The following ELP4 variants were observed in gnomAD, a reference collection of about 807,000 sequenced individuals.
ELP4 encodes the protein elongator complex protein 4.
In ELP4, 51 loss-of-function variants were observed where a neutral mutation model predicts 48.9. That is an observed-to-expected ratio of 1.04 (90% CI 0.83 to 1.32). The LOEUF is 1.32. Ranked by LOEUF, ELP4 falls within the 40% of genes most tolerant of loss-of-function variation. The pLI is 0.00. For missense variants in ELP4, 519 were observed against 514.6 expected (o/e 1.01, Z -0.08); for synonymous variants, 210 against 189.2 (o/e 1.11, Z -0.90).
intron 9 of ELP4, among the ~76,000 whole-genome samples, chr11:31,770,564 CAAAAAAAA>C (rs374184259): frequency 9.3e-6 from 1 of 107,468 alleles, no homozygotes; most frequent in Non-Finnish European, 2.1e-5. Flanking sequence ...ATAAAATTTC[CAAAAAAAA>C]AAAAAAAATA....
At chr11:31,606,542 G>A (rs1349722966) in intron 5 of ELP4, among the ~76,000 whole-genome samples, 3 of 152,086 alleles carry the variant, frequency 2.0e-5, no homozygotes, top group African/African-American at 7.2e-5. Context: ...TGATTAGTAG[G>A]TTTGCCTGTA....
At chr11:31,700,952 A>G (rs1946509767) in intron 9 of ELP4, among the ~76,000 whole-genome samples, 1 of 152,078 alleles carries the variant, frequency 6.6e-6, no homozygotes, top group Non-Finnish European at 1.5e-5. Context: ...CGTGGTTTTC[A>G]TCCCATGCTA....
At chr11:31,602,566 T>A (rs1473710923) in intron 4 of ELP4, among the ~76,000 whole-genome samples, 1 of 150,974 alleles carries the variant, frequency 6.6e-6, no homozygotes, top group African/African-American at 2.5e-5. Context: ...ACCCACAGAC[T>A]CTGAATCTGA....
chr11:31,701,362 G>A (rs570347852), intron 9 of ELP4, among the ~76,000 whole-genome samples: 44 of 152,056 alleles, frequency 2.9e-4, no homozygotes, highest in African/African-American at 1.1e-3. Flanking sequence ...CTTGTATCTT[G>A]CTCTTATTCT....
At chr11:31,540,609 C>T (rs547325228) in intron 3 of ELP4, among the ~76,000 whole-genome samples, 5 of 152,198 alleles carry the variant, frequency 3.3e-5, no homozygotes, top group African/African-American at 1.2e-4. Context: ...CATCAGCCAC[C>T]GCATCCAGCC....
At chr11:31,688,543 T>C (rs1307195258) in intron 9 of ELP4, among the ~76,000 whole-genome samples, 1 of 152,188 alleles carries the variant, frequency 6.6e-6, no homozygotes, top group Non-Finnish European at 1.5e-5. Context: ...TAGAATACAG[T>C]ACTGTGTCAT....
chr11:31,523,701 G>T (rs951467487), intron 2 of ELP4, among the ~76,000 whole-genome samples: 8 of 152,000 alleles, frequency 5.3e-5, no homozygotes, highest in African/African-American at 1.9e-4. Flanking sequence ...ATTTAAGATG[G>T]TTGTCAATTA....
intron 9 of ELP4, among the ~76,000 whole-genome samples, chr11:31,674,941 T>TA (rs748898986): frequency 1.3e-3 from 188 of 148,888 alleles, no homozygotes; most frequent in East Asian, 2.0e-3. Flanking sequence ...AGTACCTAGT[T>TA]AAAAAAAAAA....
intron 5 of ELP4, among the ~76,000 whole-genome samples, chr11:31,609,686 A>G (rs1162629095): frequency 6.6e-6 from 1 of 152,142 alleles, no homozygotes; most frequent in Non-Finnish European, 1.5e-5. Flanking sequence ...TTTCAAAAAT[A>G]CAAGACTTTT....
At chr11:31,533,368 C>CTTTTTTCTTTTTTTTTTTT (rs1956433990) in intron 2 of ELP4, among the ~76,000 whole-genome samples, 1 of 50,460 alleles carries the variant, frequency 2.0e-5, no homozygotes, top group East Asian at 7.2e-4. Context: ...CCATCTCATT[C>CTTTTTTCTTTTTTTTTTTT]TTTTTTTTTT....
intron 9 of ELP4, among the ~76,000 whole-genome samples, chr11:31,684,534 T>A (rs1248531280): frequency 6.6e-6 from 1 of 152,092 alleles, no homozygotes; most frequent in Non-Finnish European, 1.5e-5. Flanking sequence ...TACATAGCAA[T>A]GTAGGAGAAC....
intron 9 of ELP4, among the ~76,000 whole-genome samples, chr11:31,725,480 C>T (rs1947056928): frequency 6.6e-6 from 1 of 152,226 alleles, no homozygotes; most frequent in African/African-American, 2.4e-5. Context: ...CTCTCTAGTT[C>T]TCCCTGCCTT....
chr11:31,580,900 C>G (rs1957379428), intron 3 of ELP4: 1 of 152,016 alleles, frequency 6.6e-6, no homozygotes, highest in Non-Finnish European at 1.5e-5. Context: ...TCTTTATTTC[C>G]CCTTTCAGTA....
intron 9 of ELP4, among the ~76,000 whole-genome samples, chr11:31,768,649 A>G (rs990337149): frequency 6.6e-6 from 1 of 152,196 alleles, no homozygotes; most frequent in Non-Finnish European, 1.5e-5. Flanking sequence ...GACTTTGTCA[A>G]ATACCTATAG....
At chr11:31,696,183 T>C (rs2134148299) in intron 9 of ELP4, among the ~76,000 whole-genome samples, 1 of 152,266 alleles carries the variant, frequency 6.6e-6, no homozygotes, top group Non-Finnish European at 1.5e-5. Context: ...TCTGCTCTTA[T>C]CTTAGTTATT....
In ELP4 at chr11:31,750,691, G is replaced by C. The variant is rs577463649; in HGVS notation, c.1144-32702G>C. 6.6e-5 allele frequency among the ~76,000 whole-genome samples: 10 copies of C among 152,260 alleles called. No homozygotes were observed. In the South Asian group the frequency reaches 2.1e-3, roughly 32 times the overall value. On this transcript the variant is annotated intron_variant, in intron 9 of 9. Transcript: ENST00000640961. Reference sequence around the variant, plus strand: ...CCCAATTCCTCAGAGCCCTGAAACAGTAAGAAATGTGGAATTTCTGATTTC... The same window carrying C: ...CCCAATTCCTCAGAGCCCTGAAACACTAAGAAATGTGGAATTTCTGATTTC...
chr11:31,710,208 A>C (rs1221245502), intron 9 of ELP4, among the ~76,000 whole-genome samples: 3 of 152,254 alleles, frequency 2.0e-5, no homozygotes, highest in Admixed American at 2.0e-4. Flanking sequence ...GCATGATCAG[A>C]GCAACGTTCT....
chr11:31,535,000 A>G (rs926864183), intron 2 of ELP4, among the ~76,000 whole-genome samples: 4 of 152,236 alleles, frequency 2.6e-5, no homozygotes, highest in African/African-American at 9.6e-5. Flanking sequence ...TGTCTCTGCT[A>G]GCTTTTCCAT....
intron 9 of ELP4, among the ~76,000 whole-genome samples, chr11:31,736,868 G>A (rs1454486375): frequency 1.3e-5 from 2 of 152,178 alleles, no homozygotes; most frequent in African/African-American, 2.4e-5. Context: ...CACTGTTGGT[G>A]GGACTGTAAA....
Sources: gnomAD v4.1 joint callset for allele counts (sites outside exome capture counted in the v4.1 genomes callset) on GRCh38, gnomAD v4.1.1 for gene constraint, MANE v1.5 for transcripts, NCBI Gene and HGNC (gene_info 2026-07-23, HGNC 2026-07-21) for gene names.